Variants in MPPED2 observed in about 807,000 individuals in gnomAD.
The protein encoded by MPPED2 is metallophosphoesterase domain containing 2, also known as metallophosphoesterase MPPED2.
MPPED2 carries 5 observed loss-of-function variants against 33.0 expected under a neutral mutation model. The ratio of observed to expected loss-of-function variants is 0.15; its 90% CI spans 0.08 to 0.32. The LOEUF is 0.32. MPPED2 is among the 10% of genes least tolerant of loss of function. The pLI, the probability that MPPED2 is intolerant of heterozygous loss-of-function variation, is 1.00. For missense variants in MPPED2, 275 were observed against 372.1 expected (o/e 0.74, Z 2.15); for synonymous variants, 136 against 141.9 (o/e 0.96, Z 0.29).
intron 1 of MPPED2, among the ~76,000 whole-genome samples, chr11:30,583,525 T>C (rs1350825224): frequency 1.3e-5 from 2 of 152,194 alleles, no homozygotes; most frequent in African/African-American, 4.8e-5. Flanking sequence ...TAGTTTGATT[T>C]TTCTCTTTAA....
At chr11:30,453,606 G>GA (rs1265036651) in intron 4 of MPPED2, among the ~76,000 whole-genome samples, 2 of 152,186 alleles carry the variant, frequency 1.3e-5, no homozygotes, top group African/African-American at 4.8e-5. Context: ...AGACATTGGG[G>GA]AAATAACTGA....
At chr11:30,398,889 G>T (rs1455493380) in intron 6 of MPPED2, among the ~76,000 whole-genome samples, 1 of 152,040 alleles carries the variant, frequency 6.6e-6, no homozygotes, top group Admixed American at 6.6e-5. Context: ...GGTTAATTTT[G>T]GTTGATGATA....
At chr11:30,545,880 T>TTG (rs1955395611) in intron 2 of MPPED2, among the ~76,000 whole-genome samples, 2 of 152,210 alleles carry the variant, frequency 1.3e-5, no homozygotes, top group African/African-American at 4.8e-5. Context: ...TATATTTTTT[T>TTG]TAGACAGAGT....
rs10643971 is a variant in MPPED2 at position 30,488,859 on chromosome 11, A to AACACAC, written c.536+6431_536+6436dup. 5.3e-3 allele frequency among the ~76,000 whole-genome samples: 807 copies of AACACAC among 150,938 alleles called. 11 individuals are homozygous for AACACAC. The highest frequency in any genetic ancestry group is 0.019 in the African/African-American group (771 of 41,180). On this transcript the variant is annotated intron_variant, in intron 4 of 6. Transcript: ENST00000358117. The stretch of plus-strand genomic sequence containing the variant: ...GTAAGAGCAGAGTGCATATTTGTTT[A>AACACAC]ACACACACACACACACACAAGACCT...
intron 4 of MPPED2, among the ~76,000 whole-genome samples, chr11:30,467,971 G>A (rs1950784974): frequency 6.7e-6 from 1 of 149,730 alleles, no homozygotes. Context: ...GAGATCACTT[G>A]GAATGGACCA....
intron 3 of MPPED2, among the ~76,000 whole-genome samples, chr11:30,524,935 T>G (rs1954084565): frequency 6.6e-6 from 1 of 152,160 alleles, no homozygotes; most frequent in Non-Finnish European, 1.5e-5. Flanking sequence ...AGGGAATGAT[T>G]AAGATAAAAC....
chr11:30,411,833 T>C (rs1254969256), intron 6 of MPPED2, among the ~76,000 whole-genome samples: 2 of 152,178 alleles, frequency 1.3e-5, no homozygotes, highest in Admixed American at 1.3e-4. Flanking sequence ...CTAAACTTGT[T>C]GAAGAAGGGC....
chr11:30,468,227 TATACACACACAC>T (rs1950796764), intron 4 of MPPED2, among the ~76,000 whole-genome samples: 1 of 101,238 alleles, frequency 9.9e-6, no homozygotes, highest in Non-Finnish European at 2.0e-5. Context: ...TATGGCATAC[TATACACACACAC>T]ACACACACAC....
chr11:30,576,669 A>G (rs1427443420), intron 2 of MPPED2, among the ~76,000 whole-genome samples: 3 of 152,118 alleles, frequency 2.0e-5, no homozygotes, highest in African/African-American at 4.8e-5. Flanking sequence ...CATTAAAAAT[A>G]CTAAATAATT....
At chr11:30,431,806 A>G (rs1949089481) in intron 4 of MPPED2, among the ~76,000 whole-genome samples, 1 of 152,192 alleles carries the variant, frequency 6.6e-6, no homozygotes, top group South Asian at 2.1e-4. Flanking sequence ...AAATGACCTG[A>G]TAATTATTTA....
chr11:30,516,940 A>G (rs1208066627), intron 3 of MPPED2, among the ~76,000 whole-genome samples: 2 of 152,224 alleles, frequency 1.3e-5, no homozygotes, highest in Non-Finnish European at 1.5e-5. Context: ...AAATGTGGAA[A>G]GAGACCCTGT....
intron 3 of MPPED2, among the ~76,000 whole-genome samples, chr11:30,528,098 A>G (rs1468197597): frequency 6.6e-6 from 1 of 151,922 alleles, no homozygotes; most frequent in African/African-American, 2.4e-5. Context: ...TCCAATACTC[A>G]TGCTTGTAAC....
chr11:30,477,397 C>G (rs1157792148), intron 4 of MPPED2, among the ~76,000 whole-genome samples: 1 of 152,014 alleles, frequency 6.6e-6, no homozygotes, highest in Non-Finnish European at 1.5e-5. Context: ...GCTTTCTACT[C>G]CTGGTTGCTG....
rs180990484 is a variant in MPPED2, at chr11:30,504,472, G to A, written c.311-8951C>T. The stretch of plus-strand genomic sequence containing the variant: ...GGCCTGAGTCCAGCCTGGAGGTGGG[G>A]AGGGGGTTCTATAAGCTATGAGGAG... On this transcript the variant is annotated intron_variant, in intron 3 of 6. Coordinates refer to ENST00000358117, the MANE Select transcript of MPPED2 (RefSeq NM_001584.3). Among the ~76,000 whole-genome samples the A allele has an allele frequency of 2.6e-5, 4 of 152,256 alleles. No individual in the cohort carries two copies. In the East Asian group the frequency reaches 5.8e-4, roughly 22 times the overall value.
At chr11:30,390,292 A>T (rs1458413495) in intron 6 of MPPED2, among the ~76,000 whole-genome samples, 10 of 152,220 alleles carry the variant, frequency 6.6e-5, no homozygotes, top group Admixed American at 6.5e-4. Flanking sequence ...CTTTGCCAGA[A>T]GCCACAAAAA....
At chr11:30,446,025 G>A (rs139545191) in intron 4 of MPPED2, among the ~76,000 whole-genome samples, 2 of 152,296 alleles carry the variant, frequency 1.3e-5, no homozygotes, top group South Asian at 2.1e-4. Flanking sequence ...ACATGTGTAC[G>A]TTCTTGAGGG....
chr11:30,495,519 T>G lies in MPPED2; in HGVS notation c.313A>C (p.Asn105His), dbSNP rs1046329912. 4 of 1,612,020 alleles carry G rather than the reference T, an allele frequency of 2.5e-6. No homozygotes were observed. The highest frequency in any genetic ancestry group is 1.7e-5 in the Admixed American group (1 of 59,944). ...ACTATTTTATATTCATATGGCAGGT[T>G]TCCTGAAATAAGAAAAAAGAGCACC... ...EVKKFNDWLG[N>H]LPYEYKIVIA... is the part of the protein sequence containing the mutation. The change falls in exon 4 of 7, where the codon AAC becomes CAC. Residue 105 changes from asparagine (N) to histidine (H), a missense_variant and splice_region_variant. Transcript: ENST00000358117.
intron 2 of MPPED2, among the ~76,000 whole-genome samples, chr11:30,560,003 C>T (rs1212867106): frequency 3.9e-5 from 6 of 152,262 alleles, no homozygotes; most frequent in African/African-American, 1.2e-4. Flanking sequence ...TTGTGGGTAA[C>T]CACACTGTGT....
chr11:30,544,440 C>T (rs926572467), intron 2 of MPPED2, among the ~76,000 whole-genome samples: 24 of 152,186 alleles, frequency 1.6e-4, no homozygotes, highest in African/African-American at 5.3e-4. Context: ...TAAGCACCTA[C>T]CTGTGTACCA....
Sources: gnomAD v4.1 joint callset for allele counts (sites outside exome capture counted in the v4.1 genomes callset) on GRCh38, gnomAD v4.1.1 for gene constraint, MANE v1.5 for transcripts, NCBI Gene and HGNC (gene_info 2026-07-23, HGNC 2026-07-21) for gene names.